The following GFRAL variants were observed in gnomAD, a reference collection of about 807,000 sequenced individuals.
GFRAL encodes the protein GDNF family receptor alpha like.
In GFRAL, 36 loss-of-function variants were observed where a neutral mutation model predicts 45.4. The ratio of observed to expected loss-of-function variants is 0.79; its 90% CI spans 0.61 to 1.05. GFRAL has a LOEUF of 1.05. Ranked by LOEUF, GFRAL falls within the 50% of genes least tolerant of loss-of-function variation. GFRAL has a pLI of 0.00. For synonymous variants in GFRAL, 166 were observed against 154.1 expected (o/e 1.08, Z -0.57); for missense variants, 507 against 467.5 (o/e 1.08, Z -0.78).
chr6:55,346,175 A>G (rs138016754), intron 3 of GFRAL, among the ~76,000 whole-genome samples: 1,980 of 152,150 alleles, frequency 0.013, 23 homozygotes, highest in Non-Finnish European at 0.022. Flanking sequence ...ATTTGACCCA[A>G]CCATCCCATT....
At position 55,328,631 on chromosome 6, in the gene GFRAL, A is replaced by G. The variant is rs560100917; in HGVS notation, c.22+1055A>G. 2.8e-4 allele frequency among the ~76,000 whole-genome samples: 42 copies of G among 151,628 alleles called. 1 individual carries two copies. The South Asian group carries it at 4.4e-3, about 16-fold the overall frequency. ...AATATTTCTTTAGTTCTTTTTTGTG[A>G]TAAAGAGAAATATAGGAAACTTTAA... On this transcript the variant is annotated intron_variant, in intron 1 of 8. Transcript: ENST00000340465.
intron 6 of GFRAL, among the ~76,000 whole-genome samples, chr6:55,392,053 G>A (rs1768760876): frequency 6.6e-6 from 1 of 152,080 alleles, no homozygotes; most frequent in African/African-American, 2.4e-5. Context: ...CTTAAACTCT[G>A]CCTTGATCAC....
In GFRAL at chr6:55,357,686, G is replaced by C. The variant is rs553298765; in HGVS notation, c.702-1202G>C. ...GTCCATTTACATTTCAAATAATTTT[G>C]GAATCCAGTGTACCAAAGTAGTATT... is the stretch of plus-strand genomic sequence containing the variant. On this transcript the variant is annotated intron_variant, in intron 5 of 8. Coordinates refer to ENST00000340465, the MANE Select transcript of GFRAL (RefSeq NM_207410.2). Among the ~76,000 whole-genome samples, 6 of 151,368 alleles carry C rather than the reference G, an allele frequency of 4.0e-5. No individual in the cohort carries two copies. The South Asian group carries it at 1.2e-3, about 31-fold the overall frequency.
At chr6:55,349,168 G>C (rs1422669381) in intron 3 of GFRAL, among the ~76,000 whole-genome samples, 2 of 151,914 alleles carry the variant, frequency 1.3e-5, no homozygotes, top group East Asian at 3.9e-4. Context: ...AATATAAGGA[G>C]TCTGGAAGGC....
At chr6:55,334,862 G>A (rs1306815753) in intron 3 of GFRAL, among the ~76,000 whole-genome samples, 2 of 152,080 alleles carry the variant, frequency 1.3e-5, no homozygotes, top group Non-Finnish European at 2.9e-5. Context: ...TTTCTCATGT[G>A]TAAGTTTATT....
At chr6:55,334,838 G>A (rs1217199074) in intron 3 of GFRAL, among the ~76,000 whole-genome samples, 1 of 152,136 alleles carries the variant, frequency 6.6e-6, no homozygotes, top group Non-Finnish European at 1.5e-5. Flanking sequence ...TAATACATTA[G>A]AGATTCATTA....
intron 6 of GFRAL, among the ~76,000 whole-genome samples, chr6:55,371,258 A>T (rs1373167003): frequency 6.6e-6 from 1 of 152,204 alleles, no homozygotes; most frequent in Non-Finnish European, 1.5e-5. Context: ...CAAACTCTTC[A>T]TGGTTGAACT....
intron 8 of GFRAL, 57 bp from the exon 9 acceptor site, chr6:55,401,733 A>G: frequency 1.0e-6 from 1 of 1,003,536 alleles, no homozygotes; most frequent in Non-Finnish European, 1.6e-6. Flanking sequence ...ACACACAAGC[A>G]CATTTGTGAA....
At chr6:55,394,484 T>G (rs1231766216) in intron 6 of GFRAL, among the ~76,000 whole-genome samples, 9 of 151,556 alleles carry the variant, frequency 5.9e-5, no homozygotes, top group Non-Finnish European at 1.3e-4. Context: ...GAAATAATAA[T>G]TTCAGTGGAC....
At chr6:55,382,115 G>C (rs910583324) in intron 6 of GFRAL, among the ~76,000 whole-genome samples, 1 of 151,772 alleles carries the variant, frequency 6.6e-6, no homozygotes, top group African/African-American at 2.4e-5. Context: ...TCTCTACTCT[G>C]TATTCATATT....
chr6:55,357,363 A>G (rs372081112), intron 5 of GFRAL, among the ~76,000 whole-genome samples: 2 of 151,804 alleles, frequency 1.3e-5, no homozygotes, highest in South Asian at 4.1e-4. Context: ...GTGCATATAT[A>G]TTTACAATTG....
chr6:55,332,956 G>C (rs772480526), intron 2 of GFRAL, among the ~76,000 whole-genome samples: 6 of 151,882 alleles, frequency 4.0e-5, no homozygotes, highest in Non-Finnish European at 7.4e-5. Context: ...ACAGATTACA[G>C]TATAATCTAT....
chr6:55,399,130 A>G, intron 6 of GFRAL, 50 bp from the exon 7 acceptor site: 3 of 948,514 alleles, frequency 3.2e-6, no homozygotes, highest in Non-Finnish European at 4.7e-6. Context: ...CCATAAAATT[A>G]AAATAATGTA....
intron 8 of GFRAL, among the ~76,000 whole-genome samples, chr6:55,400,803 T>C (rs959174728): frequency 5.9e-5 from 9 of 152,230 alleles, no homozygotes; most frequent in African/African-American, 1.4e-4. Context: ...TGGTTTTAAG[T>C]ACTTGAGAAC....
rs551374269 is a variant in GFRAL at position 55,338,916 on chromosome 6, G to A, written c.316+4972G>A. 4.6e-5 allele frequency among the ~76,000 whole-genome samples: 7 copies of A among 152,208 alleles called. 2 individuals are homozygous for A. The highest frequency in any genetic ancestry group is 1.7e-4 in the African/African-American group (7 of 41,532). Reference sequence around the variant, plus strand: ...GAGGAGCTATTACATATTTTAAATAGAGGAATGTATCATCAGTTTCTCAAA... The same window carrying A: ...GAGGAGCTATTACATATTTTAAATAAAGGAATGTATCATCAGTTTCTCAAA... On this transcript the variant is annotated intron_variant, in intron 3 of 8. Transcript: ENST00000340465.
intron 6 of GFRAL, among the ~76,000 whole-genome samples, chr6:55,367,981 G>A (rs1160031236): frequency 2.1e-5 from 3 of 146,086 alleles, no homozygotes; most frequent in Admixed American, 6.8e-5. Flanking sequence ...GAATCTGAAC[G>A]TTGGCCTGCC....
At chr6:55,366,630 G>T (rs1768368195) in intron 6 of GFRAL, among the ~76,000 whole-genome samples, 1 of 121,924 alleles carries the variant, frequency 8.2e-6, no homozygotes, top group Non-Finnish European at 1.7e-5. Flanking sequence ...CAGAGATTCT[G>T]GTATGTTGTG....
intron 6 of GFRAL, among the ~76,000 whole-genome samples, chr6:55,380,717 C>T (rs1157889807): frequency 6.6e-6 from 1 of 151,944 alleles, no homozygotes; most frequent in African/African-American, 2.4e-5. Flanking sequence ...TGCTTCACTC[C>T]AGTGCCCAAA....
chr6:55,360,929 C>T (rs1450949985), intron 6 of GFRAL, among the ~76,000 whole-genome samples: 1 of 151,884 alleles, frequency 6.6e-6, no homozygotes, highest in Non-Finnish European at 1.5e-5. Context: ...CAAAAATTCT[C>T]TAAAAATACA....
Sources: gnomAD v4.1 joint callset for allele counts (sites outside exome capture counted in the v4.1 genomes callset) on GRCh38, gnomAD v4.1.1 for gene constraint, MANE v1.5 for transcripts, NCBI Gene and HGNC (gene_info 2026-07-23, HGNC 2026-07-21) for gene names.